The following HPSE2 variants were observed in gnomAD, a reference collection of about 807,000 sequenced individuals.
HPSE2 encodes heparanase 2 (inactive), also known as inactive heparanase-2.
In HPSE2, 38 loss-of-function variants were observed where a neutral mutation model predicts 60.5. The ratio of observed to expected loss-of-function variants is 0.63; its 90% CI spans 0.48 to 0.82. HPSE2 has a LOEUF of 0.82. HPSE2 is among the 40% of genes least tolerant of loss of function. The probability of loss-of-function intolerance (pLI) is 0.00; values close to 1 mark genes in which losing one functional copy is unlikely to be tolerated. For synonymous variants in HPSE2, 295 were observed against 293.2 expected, an observed-to-expected ratio of 1.01 and a Z score of -0.06; for missense variants, 713 against 740.4, an observed-to-expected ratio of 0.96 and a Z score of 0.43.
intron 3 of HPSE2, among the ~76,000 whole-genome samples, chr10:99,037,718 G>A (rs1237141532): frequency 1.3e-5 from 2 of 151,960 alleles, no homozygotes; most frequent in Admixed American, 6.6e-5. Context: ...AATGTTCTAC[G>A]ACATGAGGGA....
At chr10:98,919,156 T>C (rs1305062685) in intron 3 of HPSE2, among the ~76,000 whole-genome samples, 1 of 152,170 alleles carries the variant, frequency 6.6e-6, no homozygotes, top group Admixed American at 6.5e-5. Flanking sequence ...ACTAAATACC[T>C]GACCAGATAT....
chr10:98,751,637 T>C (rs958301956), intron 3 of HPSE2, among the ~76,000 whole-genome samples: 5 of 152,184 alleles, frequency 3.3e-5, no homozygotes, highest in Admixed American at 3.3e-4. Context: ...ATTCTAATTG[T>C]GAGCATGTGA....
chr10:99,032,246 A>G (rs528748417), intron 3 of HPSE2, among the ~76,000 whole-genome samples: 2 of 152,288 alleles, frequency 1.3e-5, no homozygotes, highest in Admixed American at 6.5e-5. Context: ...AATGTCTTCA[A>G]TTGGCAATTA....
intron 3 of HPSE2, among the ~76,000 whole-genome samples, chr10:98,828,293 T>G (rs1270328434): frequency 6.6e-6 from 1 of 152,174 alleles, no homozygotes; most frequent in African/African-American, 2.4e-5. Context: ...CCCACAACCT[T>G]GAAAGGTAAG....
chr10:98,923,749 A>G (rs1954358909), intron 3 of HPSE2, among the ~76,000 whole-genome samples: 1 of 152,022 alleles, frequency 6.6e-6, no homozygotes, highest in Non-Finnish European at 1.5e-5. Context: ...GATTGATTCT[A>G]TTTAATTATT....
At chr10:98,688,477 C>CTTTT (rs1388717965) in intron 6 of HPSE2, among the ~76,000 whole-genome samples, 6 of 83,012 alleles carry the variant, frequency 7.2e-5, no homozygotes, top group Admixed American at 1.6e-4. Context: ...TTTTTTTTTT[C>CTTTT]TTTTTTTTTT....
chr10:99,232,335 T>C lies in HPSE2; in HGVS notation c.448+13A>G. 1 of 1,550,694 alleles carries C rather than the reference T, an allele frequency of 6.4e-7. No individual in the cohort carries two copies. Among genetic ancestry groups the C allele is most frequent in the Non-Finnish European group, 8.7e-7 (1 of 1,146,780 alleles). On this transcript the variant is annotated intron_variant, in intron 2 of 11. Coordinates refer to ENST00000370552, the MANE Select transcript of HPSE2 (RefSeq NM_021828.5). Reference sequence around the variant, plus strand: ...CCGCTCCCCAAATAAAGAATGGTAATCAAGTTTCTCACCATCCTCATAGTT... The same window carrying C: ...CCGCTCCCCAAATAAAGAATGGTAACCAAGTTTCTCACCATCCTCATAGTT...
chr10:98,607,800 A>G (rs556349679), intron 9 of HPSE2, among the ~76,000 whole-genome samples: 4 of 152,344 alleles, frequency 2.6e-5, no homozygotes, highest in South Asian at 4.1e-4. Context: ...TGTCAACTAC[A>G]TATCAAATGT....
intron 2 of HPSE2, among the ~76,000 whole-genome samples, chr10:99,184,862 A>AGAGAGAGAGAGAGAGG: frequency 7.7e-6 from 1 of 130,426 alleles, no homozygotes; most frequent in African/African-American, 2.7e-5. Context: ...AGAGAGAGAG[A>AGAGAGAGAGAGAGAGG]GACAGAAACA....
intron 10 of HPSE2, among the ~76,000 whole-genome samples, chr10:98,489,568 G>A (rs1941565470): frequency 6.6e-6 from 1 of 152,184 alleles, no homozygotes; most frequent in Non-Finnish European, 1.5e-5. Flanking sequence ...TTTAGTTCTG[G>A]GGACCCCCAG....
At chr10:98,463,303 T>TC (rs1041059139) in intron 11 of HPSE2, among the ~76,000 whole-genome samples, 1 of 152,102 alleles carries the variant, frequency 6.6e-6, no homozygotes, top group Non-Finnish European at 1.5e-5. Flanking sequence ...ATCCCGCCAG[T>TC]CCCCCCTCCA....
chr10:98,647,417 T>C (rs181817651), intron 6 of HPSE2, among the ~76,000 whole-genome samples: 1 of 152,208 alleles, frequency 6.6e-6, no homozygotes, highest in South Asian at 2.1e-4. Flanking sequence ...ATTGCATTAG[T>C]GCGGGCTTCC....
intron 2 of HPSE2, among the ~76,000 whole-genome samples, chr10:99,192,033 G>A (rs1848239230): frequency 6.6e-6 from 1 of 151,832 alleles, no homozygotes; most frequent in Non-Finnish European, 1.5e-5. Context: ...CTTGAAGATG[G>A]GGTATTTGAA....
At chr10:98,487,533 G>A (rs1054029071) in intron 10 of HPSE2, among the ~76,000 whole-genome samples, 3 of 152,178 alleles carry the variant, frequency 2.0e-5, no homozygotes, top group Non-Finnish European at 2.9e-5. Flanking sequence ...ATGTGATACC[G>A]TAGAACCTTT....
At chr10:98,479,596 A>G (rs1054809183) in intron 11 of HPSE2, among the ~76,000 whole-genome samples, 1 of 152,306 alleles carries the variant, frequency 6.6e-6, no homozygotes, top group African/African-American at 2.4e-5. Context: ...ACAGTCCACC[A>G]TGGCACAGCC....
chr10:98,481,496 T>TA (rs1226310873), intron 11 of HPSE2, among the ~76,000 whole-genome samples: 1 of 152,072 alleles, frequency 6.6e-6, no homozygotes, highest in East Asian at 1.9e-4. Flanking sequence ...AAATACTCAA[T>TA]AGAGTCCTGC....
chr10:98,882,171 G>A (rs766767252), intron 3 of HPSE2, among the ~76,000 whole-genome samples: 1 of 151,976 alleles, frequency 6.6e-6, no homozygotes, highest in African/African-American at 2.4e-5. Flanking sequence ...GGGCATATTT[G>A]GAGCAGACCC....
chr10:98,863,821 A>G (rs1952519925), intron 3 of HPSE2, among the ~76,000 whole-genome samples: 1 of 152,166 alleles, frequency 6.6e-6, no homozygotes, highest in Non-Finnish European at 1.5e-5. Context: ...TTTAGAATCT[A>G]TTAATTGAGA....
At chr10:98,820,394 G>C (rs971935357) in intron 3 of HPSE2, among the ~76,000 whole-genome samples, 2 of 152,166 alleles carry the variant, frequency 1.3e-5, no homozygotes, top group Non-Finnish European at 2.9e-5. Flanking sequence ...CTTGGATCCT[G>C]ACAGACTTAA....
Sources: gnomAD v4.1 joint callset for allele counts (sites outside exome capture counted in the v4.1 genomes callset) on GRCh38, gnomAD v4.1.1 for gene constraint, MANE v1.5 for transcripts, NCBI Gene and HGNC (gene_info 2026-07-23, HGNC 2026-07-21) for gene names.